TRIM46: variants seen among roughly 807,000 people sequenced by gnomAD.
TRIM46 encodes the protein tripartite motif containing 46.
Under a neutral mutation model 69.7 loss-of-function variants are expected in TRIM46, and 17 were observed. That is an observed-to-expected ratio of 0.24 (90% confidence interval 0.17 to 0.37). The LOEUF is 0.37. TRIM46 is among the 10% of genes least tolerant of loss of function. The pLI is 1.00. For missense variants in TRIM46, 675 were observed against 1,025.1 expected, an observed-to-expected ratio of 0.66 and a Z score of 4.66; for synonymous variants, 391 against 429.0, an observed-to-expected ratio of 0.91 and a Z score of 1.09.
chr1:155,176,383 A>G (rs1411849695), intron 3 of TRIM46, 152 bp downstream of exon 3: 11 of 775,010 alleles, frequency 1.4e-5, no homozygotes, highest in Non-Finnish European at 2.0e-5. Context: ...TCACTGGACA[A>G]ATCATTCAAC....
intron 3 of TRIM46, among the ~76,000 whole-genome samples, chr1:155,176,484 G>A (rs1028809919): frequency 1.3e-5 from 2 of 152,210 alleles, no homozygotes; most frequent in African/African-American, 4.8e-5. Context: ...CTGAGAGGAT[G>A]GTGTGAGATA....
chr1:155,175,014 T>A lies in TRIM46; in HGVS notation c.64-372T>A. 1 of 1,372,438 alleles carries A rather than the reference T, an allele frequency of 7.3e-7. No homozygotes were observed. Among genetic ancestry groups the A allele is most frequent in the Non-Finnish European group, 9.3e-7 (1 of 1,070,478 alleles). 85.0% of individuals were successfully genotyped at this position (1,372,438 alleles called of 1,614,324 possible). ...AAGGGAGTGGGGGTCTGCATGGAGC[T>A]GCAGAATGGGCGGTGTCCTTGAGAA... On this transcript the variant is annotated intron_variant, in intron 1 of 9. Transcript: ENST00000334634. The surrounding 1 kb of genome is among the most constrained non-coding windows in gnomAD (Gnocchi z 4.2).
In TRIM46 at chr1:155,183,953, C is replaced by T. The variant is rs368146033; in HGVS notation, c.2043C>T (p.Ala681=). 4.8e-5 allele frequency: 77 copies of T among 1,613,828 alleles called. No individual in the cohort carries two copies. Among genetic ancestry groups the T allele is most frequent in the Admixed American group, 6.7e-5 (4 of 60,004 alleles). The change falls in exon 10 of 10, where the codon GCC becomes GCT. Residue 681 remains alanine, a synonymous_variant. Coordinates refer to ENST00000334634, the MANE Select transcript of TRIM46 (RefSeq NM_025058.5). ...AGLTGRDGPT[A]GCTVPLPPRL... is the part of the protein sequence containing the mutation. Reference sequence around the variant, plus strand: ...TGACAGGGAGGGATGGCCCCACAGCCGGCTGCACAGTGCCCCTGCCACCCC... The same window carrying T: ...TGACAGGGAGGGATGGCCCCACAGCTGGCTGCACAGTGCCCCTGCCACCCC...
rs773404968 is a variant in TRIM46 at position 155,182,035 on chromosome 1, G to A, written c.1772G>A (p.Arg591His). 7 of 1,613,662 alleles carry A rather than the reference G, an allele frequency of 4.3e-6. No homozygotes were observed. The highest frequency in any genetic ancestry group is 5.9e-6 in the Non-Finnish European group (7 of 1,179,834). ...VLGDVAVTQG[R>H]SYWACAVDPA... ...GGCGACGTGGCTGTGACCCAGGGCC[G>A]CAGCTACTGGGCCTGCGCCGTAGAC... The change falls in exon 9 of 10, where the codon CGC (arginine) becomes CAC (histidine). Residue 591 changes from arginine (R) to histidine (H), a missense_variant. Coordinates refer to ENST00000334634, the MANE Select transcript of TRIM46 (RefSeq NM_025058.5).
Position 155,175,567 on chromosome 1 carries a change from C to T in TRIM46, c.245C>T (p.Ser82Phe). ...DPSSEPTSPA[S>F]TPSTRSPRLS... Reference sequence around the variant, plus strand: ...AGCTCCGAGCCCACCTCTCCTGCCTCCACCCCTTCCACCCGCAGCCCCCGC... The same window carrying T: ...AGCTCCGAGCCCACCTCTCCTGCCTTCACCCCTTCCACCCGCAGCCCCCGC... The change falls in exon 2 of 10, where the codon TCC becomes TTC. Residue 82 changes from serine (S) to phenylalanine (F), a missense_variant. By Grantham distance (155) the Ser-to-Phe change is radical. This residue lies in a region of TRIM46 where 170 missense variants were observed against 255.6 expected (regional missense o/e 0.67). Coordinates refer to ENST00000334634, the MANE Select transcript of TRIM46 (RefSeq NM_025058.5). The surrounding 1 kb of genome is among the most constrained non-coding windows in gnomAD (Gnocchi z 4.2). 1.2e-6 allele frequency: 2 copies of T among 1,612,560 alleles called. No individual in the cohort carries two copies. Among genetic ancestry groups the T allele is most frequent in the Non-Finnish European group, 1.7e-6 (2 of 1,178,950 alleles).
chr1:155,183,132 A>C (rs4971099), intron 9 of TRIM46, among the ~76,000 whole-genome samples: 3 of 151,340 alleles, frequency 2.0e-5, no homozygotes, highest in Admixed American at 6.6e-5. Context: ...GGATGGTCTC[A>C]ATCTCCTGAC....
At chr1:155,182,174 G>A in intron 9 of TRIM46, 25 bp downstream of exon 9, 2 of 1,606,856 alleles carry the variant, frequency 1.2e-6, no homozygotes, top group South Asian at 1.1e-5. Context: ...GAAGGGATGG[G>A]GTGTGGGGGT....
chr1:155,180,058 C>A, intron 8 of TRIM46, 124 bp downstream of exon 8: 1 of 1,117,546 alleles, frequency 8.9e-7, no homozygotes, highest in Non-Finnish European at 1.2e-6. Context: ...CACACACTAG[C>A]TCTGGAGCTA....
chr1:155,182,155 A>G lies in TRIM46; in HGVS notation c.1886+6A>G, dbSNP rs1280385938. On this transcript the variant is annotated splice_donor_region_variant and intron_variant, in intron 9 of 9. Coordinates refer to ENST00000334634, the MANE Select transcript of TRIM46 (RefSeq NM_025058.5). ...CCCGATGTGATCAGCCCCAGGTCAG[A>G]CCCCTCTGGAAGGGATGGGGTGTGG... 3 of 1,609,378 alleles carry G rather than the reference A, an allele frequency of 1.9e-6. No homozygotes were observed. Among genetic ancestry groups the G allele is most frequent in the Non-Finnish European group, 2.5e-6 (3 of 1,178,050 alleles).
At position 155,174,040 on chromosome 1, in the gene TRIM46, G is replaced by C; in HGVS notation, c.63+11G>C. ...CTGGTCCGCATCAGTGTGAGTTAAG[G>C]TGGGGTCGAGGGAAGGGGAGGGGGC... On this transcript the variant is annotated intron_variant, in intron 1 of 9. Coordinates refer to ENST00000334634, the MANE Select transcript of TRIM46 (RefSeq NM_025058.5). 3 of 1,558,380 alleles carry C rather than the reference G, an allele frequency of 1.9e-6. No homozygotes were observed. Among genetic ancestry groups the C allele is most frequent in the Non-Finnish European group, 2.6e-6 (3 of 1,151,254 alleles).
At chr1:155,179,448 C>T (rs887785307) in intron 7 of TRIM46, among the ~76,000 whole-genome samples, 184 bp from the exon 8 acceptor site, 11 of 152,150 alleles carry the variant, frequency 7.2e-5, no homozygotes, top group Non-Finnish European at 1.2e-4. Context: ...TTTCCTGCCT[C>T]GTTCTCTCTT....
At chr1:155,174,983 C>A (rs750664500) in intron 1 of TRIM46, 439 of 1,380,700 alleles carry the variant, frequency 3.2e-4, no homozygotes, top group Non-Finnish European at 3.9e-4. Context: ...GGGGGTGCTG[C>A]TAGAGAAGGG....
rs1557820695 is a variant in TRIM46, at chr1:155,184,401, T to C, written c.*211T>C. On this transcript the variant is annotated 3_prime_UTR_variant, in exon 10 of 10. Coordinates refer to ENST00000334634, the MANE Select transcript of TRIM46 (RefSeq NM_025058.5). The surrounding 1 kb of genome is among the most constrained non-coding windows in gnomAD (Gnocchi z 5.6). ...CTCTGGATGGCCCCCGTTCTCTCCA[T>C]TGCTTGTTAGCCAGGCCCCCACCCC... 5 of 591,868 alleles carry C rather than the reference T, an allele frequency of 8.4e-6. No homozygotes were observed. The highest frequency in any genetic ancestry group is 1.2e-5 in the Non-Finnish European group (4 of 345,912). The allele number at this position is 591,868 out of a possible 1,614,324, so 36.7% of individuals were successfully genotyped here.
chr1:155,179,880 G>A lies in TRIM46; in HGVS notation c.1534G>A (p.Ala512Thr). ...GCTGCGTGTCCGCGGCTGCAACAAGGCCGGCTACGGCGAATACAGTGAAGA... is the reference window on the plus strand; with the variant it reads ...GCTGCGTGTCCGCGGCTGCAACAAGACCGGCTACGGCGAATACAGTGAAGA... ...YVLRVRGCNK[A>T]GYGEYSEDVH... The change falls in exon 8 of 10, where the codon GCC (alanine) becomes ACC (threonine). Residue 512 changes from alanine to threonine, a missense_variant. Transcript: ENST00000334634. 1 of 1,608,798 alleles carries A rather than the reference G, an allele frequency of 6.2e-7. No homozygotes were observed. The highest frequency in any genetic ancestry group is 8.5e-7 in the Non-Finnish European group (1 of 1,176,220).
In TRIM46 at chr1:155,181,701, T is replaced by G; in HGVS notation, c.1589-151T>G. 5.4e-6 allele frequency: 3 copies of G among 551,994 alleles called. No individual in the cohort carries two copies. The highest frequency in any genetic ancestry group is 5.0e-5 in the East Asian group (1 of 20,094). 34.2% of individuals were successfully genotyped at this position (551,994 alleles called of 1,614,324 possible). ...TTTTTCCTCATGCCCCCCATTCCAGTTTCCCATGTCCTGTTCTCCTGAACC... is the reference window on the plus strand; with the variant it reads ...TTTTTCCTCATGCCCCCCATTCCAGGTTCCCATGTCCTGTTCTCCTGAACC... On this transcript the variant is annotated intron_variant, in intron 8 of 9. Transcript: ENST00000334634. This position sits in a 1 kb window ranked among gnomAD's most constrained non-coding sequence, Gnocchi z 4.3.
In TRIM46 at chr1:155,182,016, G is replaced by A; in HGVS notation, c.1753G>A (p.Val585Met). 1.2e-6 allele frequency: 2 copies of A among 1,613,560 alleles called. No individual in the cohort carries two copies. Among genetic ancestry groups the A allele is most frequent in the East Asian group, 2.2e-5 (1 of 44,866 alleles). ...HLSVDVVLGD[V>M]AVTQGRSYWA... ...GAGTGTGGATGTGGTCCTGGGCGACGTGGCTGTGACCCAGGGCCGCAGCTA... is the reference window on the plus strand; with the variant it reads ...GAGTGTGGATGTGGTCCTGGGCGACATGGCTGTGACCCAGGGCCGCAGCTA... Residue 585 changes from valine (V) to methionine (M), a missense_variant, in exon 9 of 10, where the codon GTG (valine) becomes ATG (methionine). Transcript: ENST00000334634.
intron 7 of TRIM46, chr1:155,178,818 A>G (rs1665906704): frequency 6.2e-6 from 9 of 1,462,688 alleles, no homozygotes; most frequent in Non-Finnish European, 6.3e-6. Flanking sequence ...GGCTGTGGCC[A>G]CCGCGGACTC....
In TRIM46 at chr1:155,178,253, C is replaced by A. The variant is rs746807388; in HGVS notation, c.1161C>A (p.Asn387Lys). 3 of 1,595,676 alleles carry A rather than the reference C, an allele frequency of 1.9e-6. No homozygotes were observed. The Admixed American group carries it at 5.1e-5, about 27-fold the overall frequency. The part of the protein sequence containing the change: ...CFVQAAKQLH[N>K]RIARATEALQ... ...TGCAAGCCGCCAAGCAGCTGCACAA[C>A]AGGTACTCAGGGGCATGGGCTCCTA... is the stretch of plus-strand genomic sequence containing the variant. Residue 387 changes from asparagine (N) to lysine (K), a missense_variant and splice_region_variant, in exon 6 of 10, where the codon AAC (asparagine) becomes AAA (lysine). By Grantham distance (94) the Asn-to-Lys change is moderately conservative (BLOSUM62 0). Coordinates refer to ENST00000334634, the MANE Select transcript of TRIM46 (RefSeq NM_025058.5).
At position 155,175,658 on chromosome 1, in the gene TRIM46, G is replaced by T. The variant is rs1341581845; in HGVS notation, c.325+11G>T. On this transcript the variant is annotated intron_variant, in intron 2 of 9. Coordinates refer to ENST00000334634, the MANE Select transcript of TRIM46 (RefSeq NM_025058.5). The surrounding 1 kb of genome is among the most constrained non-coding windows in gnomAD (Gnocchi z 4.2). ...GGCTGCTTAAGTCAGGTGGGACTGGGGCCTGTAGGGTGGGGATGGGAACGC... is the reference window on the plus strand; with the variant it reads ...GGCTGCTTAAGTCAGGTGGGACTGGTGCCTGTAGGGTGGGGATGGGAACGC... The T allele has an allele frequency of 6.2e-7, 1 of 1,613,402 alleles. No homozygotes were observed. Among genetic ancestry groups the T allele is most frequent in the South Asian group, 1.1e-5 (1 of 91,080 alleles).
Sources: gnomAD v4.1 joint callset for allele counts (sites outside exome capture counted in the v4.1 genomes callset) on GRCh38, gnomAD v4.1.1 for gene constraint, gnomAD v4.1.1 regional missense constraint, Gnocchi (gnomAD v3.1) non-coding constraint, MANE v1.5 for transcripts, NCBI Gene and HGNC (gene_info 2026-07-23, HGNC 2026-07-21) for gene names.